The following KIFC3 variants were observed in gnomAD, a reference collection of about 807,000 sequenced individuals.
KIFC3 encodes kinesin-like protein KIFC3.
KIFC3 carries 60 observed loss-of-function variants against 101.8 expected under a neutral mutation model. That is an observed-to-expected ratio of 0.59 (90% CI 0.48 to 0.73). The LOEUF (loss-of-function observed/expected upper bound fraction) is 0.73, where lower values mean the gene tolerates loss of function less well. Ranked by LOEUF, KIFC3 falls within the 30% of genes least tolerant of loss-of-function variation. KIFC3 has a pLI of 0.00. For synonymous variants in KIFC3, 476 were observed against 482.7 expected, an observed-to-expected ratio of 0.99 and a Z score of 0.18; for missense variants, 966 against 1,137.1, an observed-to-expected ratio of 0.85 and a Z score of 2.16.
At chr16:57,802,917 G>T, upstream of KIFC3, 2 of 1,472,236 alleles carry the variant, frequency 1.4e-6, no homozygotes, top group Non-Finnish European at 1.8e-6. The surrounding 1 kb of genome is among the most constrained non-coding windows in gnomAD (Gnocchi z 5.0). Context: ...TCTCATACCA[G>T]TACGTGTCTT....
At position 57,758,650 on chromosome 16, in the gene KIFC3, CTGA is replaced by C; in HGVS notation, c.*281_*283del. 4 of 702,932 alleles carry C rather than the reference CTGA, an allele frequency of 5.7e-6. No homozygotes were observed. Among genetic ancestry groups the C allele is most frequent in the Non-Finnish European group, 1.0e-5 (4 of 386,470 alleles). The allele number at this position is 702,932 out of a possible 1,614,324, so 43.5% of individuals were successfully genotyped here. On this transcript the variant is annotated 3_prime_UTR_variant, in exon 20 of 20. Coordinates refer to ENST00000445690, the MANE Select transcript of KIFC3 (RefSeq NM_001130100.2). ...CGCCCTCCTCACGGGGCCCAGTTCG[CTGA>C]TGGCCCAGGCCTGCCAGGAAGAGCA...
rs1317843043 is a variant in KIFC3 at position 57,762,214 on chromosome 16, C to G, written c.1674G>C (p.Glu558Asp). The change falls in exon 13 of 20, where the codon GAG becomes GAC. Residue 558 changes from glutamate (E) to aspartate (D), a missense_variant. By Grantham distance (45) the Glu-to-Asp change is conservative. Transcript: ENST00000445690. ...CCCAGTCAGACGCCTTCTCCTGCAC[C>G]TCGGAGAAGAGCAGCTGCAGGGCCC... ...NQRALQLLFS[E>D]VQEKASDWEY... 4.4e-6 allele frequency: 7 copies of G among 1,609,062 alleles called. No homozygotes were observed. In the East Asian group the frequency reaches 1.3e-4, roughly 31 times the overall value.
intron 1 of KIFC3, among the ~76,000 whole-genome samples, chr16:57,857,245 G>C (rs942788042): frequency 2.0e-5 from 3 of 152,058 alleles, no homozygotes; most frequent in African/African-American, 7.2e-5. Flanking sequence ...TGAAGGTCAG[G>C]AATCGCCATA....
intron 3 of KIFC3, among the ~76,000 whole-genome samples, chr16:57,773,017 G>C (rs1452203631): frequency 6.6e-6 from 1 of 152,046 alleles, no homozygotes; most frequent in Non-Finnish European, 1.5e-5. Context: ...ACCCTTCCCC[G>C]GCGCTGTCCT....
chr16:57,794,843 C>A (rs997452582), intron 3 of KIFC3, among the ~76,000 whole-genome samples, 156 bp downstream of exon 3: 2 of 152,156 alleles, frequency 1.3e-5, no homozygotes, highest in Non-Finnish European at 2.9e-5. Flanking sequence ...AAAGCAGGCT[C>A]CCAGGCAGAG....
At chr16:57,798,993 G>A (rs574003980) in intron 1 of KIFC3, among the ~76,000 whole-genome samples, 113 of 152,284 alleles carry the variant, frequency 7.4e-4, no homozygotes, top group African/African-American at 2.6e-3. Context: ...GATGAGGCCT[G>A]AAAACTCCCA....
rs55718589 is a variant in KIFC3, at chr16:57,862,193, C to CTT, written c.108+534_108+535dup. Among the ~76,000 whole-genome samples the CTT allele has an allele frequency of 4.3e-3, 553 of 128,368 alleles. 7 individuals carry two copies. The highest frequency in any genetic ancestry group is 0.014 in the African/African-American group (467 of 34,312). The allele number at this position is 128,368 out of a possible 152,430, so 84.2% of individuals were successfully genotyped here. On this transcript the variant is annotated intron_variant, in intron 1 of 2. Transcript: ENST00000563028. Reference sequence around the variant, plus strand: ...TACAGGTGCTTACCACTACATCTGGCTTTTTTTTTTTTTTTTTTAGTACAG... The same window carrying CTT: ...TACAGGTGCTTACCACTACATCTGGCTTTTTTTTTTTTTTTTTTTTAGTACAG...
rs372236766 is a variant in KIFC3, at chr16:57,775,847, C to T, written c.316-3559G>A. ...CGTCAATCCAGGGCTGAGGACGGAC[C>T]AGGCTGGGGCTGTGCGACACTCCTC... On this transcript the variant is annotated intron_variant, in intron 3 of 19. Coordinates refer to ENST00000445690, the MANE Select transcript of KIFC3 (RefSeq NM_001130100.2). The T allele has an allele frequency of 2.2e-5, 22 of 985,428 alleles. No homozygotes were observed. The East Asian group carries it at 6.8e-4, about 31-fold the overall frequency. 61.0% of individuals were successfully genotyped at this position (985,428 alleles called of 1,614,324 possible). A position where few individuals can be genotyped will look rare whatever the true frequency, so the allele number is the denominator to read the frequency against.
intron 1 of KIFC3, among the ~76,000 whole-genome samples, chr16:57,850,947 CTCCTTCCTTCCTTCCTTCCTTCCTTCCT>C (rs200153757): frequency 5.7e-5 from 3 of 52,536 alleles, no homozygotes; most frequent in African/African-American, 1.5e-4. Flanking sequence ...CCTTCCCTCC[CTCCTTCCTTCCTTCCTTCCTTCCTTCCT>C]TCCTTCCTTC....
intron 3 of KIFC3, chr16:57,774,691 T>TC: frequency 6.7e-6 from 1 of 148,688 alleles, no homozygotes; most frequent in African/African-American, 7.6e-5. Flanking sequence ...CCCGGCTAAT[T>TC]TTTTTTTTTT....
At chr16:57,826,404 A>G (rs2055458085) in intron 1 of KIFC3, among the ~76,000 whole-genome samples, 1 of 152,104 alleles carries the variant, frequency 6.6e-6, no homozygotes, top group South Asian at 2.1e-4. Context: ...ATGCCCTTAT[A>G]CCTAGATCTT....
chr16:57,771,691 A>G lies in KIFC3; in HGVS notation c.382-5T>C. 6.2e-7 allele frequency: 1 copy of G among 1,610,366 alleles called. No homozygotes were observed. The highest frequency in any genetic ancestry group is 8.5e-7 in the Non-Finnish European group (1 of 1,178,704). On this transcript the variant is annotated splice_region_variant and splice_polypyrimidine_tract_variant and intron_variant, in intron 4 of 19. Transcript: ENST00000445690. ...CTTCTCCAAGTCGGTGCCCCCCTGC[A>G]GAGAGCCAGGGCCGAGGGGGCGCAT... is the stretch of plus-strand genomic sequence containing the variant.
At chr16:57,821,472 C>T (rs1477915813) in intron 1 of KIFC3, among the ~76,000 whole-genome samples, 1 of 152,180 alleles carries the variant, frequency 6.6e-6, no homozygotes, top group Non-Finnish European at 1.5e-5. Context: ...AGTCCATCTT[C>T]TGCCCCAACC....
chr16:57,798,183 T>C lies in KIFC3; in HGVS notation c.61A>G (p.Arg21Gly). Residue 21 changes from arginine (R) to glycine (G), a missense_variant, in exon 2 of 20, where the codon AGA becomes GGA. Coordinates refer to ENST00000445690, the MANE Select transcript of KIFC3 (RefSeq NM_001130100.2). The part of the protein sequence containing the change: ...GATPSLRGLW[R>G]VGRAPEPEPG... ...TCGGGCTCCGGGGCCCGGCCCACTC[T>C]CCACAGGCCCCGCAGCGAGGGCGTG... 1 of 1,541,606 alleles carries C rather than the reference T, an allele frequency of 6.5e-7. No homozygotes were observed.
chr16:57,761,536 C>T lies in KIFC3; in HGVS notation c.1749G>A (p.Arg583=), dbSNP rs2049855254. The change falls in exon 14 of 20, where the codon AGG becomes AGA. Residue 583 remains arginine, a splice_region_variant and synonymous_variant. Coordinates refer to ENST00000445690, the MANE Select transcript of KIFC3 (RefSeq NM_001130100.2). ...SAAEIYNEVL[R]DLLGKEPQEK... The stretch of plus-strand genomic sequence containing the variant: ...CCTGAGGCTCTTTCCCTAGCAGGTC[C>T]CTGGAGGGGCAGGTGAGACAGTCAC... The T allele has an allele frequency of 1.2e-6, 2 of 1,612,588 alleles. No homozygotes were observed. Among genetic ancestry groups the T allele is most frequent in the Non-Finnish European group, 1.7e-6 (2 of 1,179,706 alleles).
intron 2 of KIFC3, chr16:57,797,844 T>G: frequency 1.4e-6 from 2 of 1,442,502 alleles, no homozygotes; most frequent in Non-Finnish European, 1.8e-6. Flanking sequence ...GTGTTAAAGT[T>G]TAACCCGGCT....
intron 1 of KIFC3, among the ~76,000 whole-genome samples, chr16:57,850,764 C>T (rs1196385992): frequency 6.6e-6 from 1 of 152,112 alleles, no homozygotes; most frequent in Non-Finnish European, 1.5e-5. Flanking sequence ...GAGTGAGCCG[C>T]TGTGCCCAGC....
intron 6 of KIFC3, 25 bp from the exon 7 acceptor site, chr16:57,770,725 C>T (rs1208839940): frequency 2.4e-5 from 34 of 1,418,310 alleles, no homozygotes; most frequent in African/African-American, 8.7e-5. Context: ...AGGAATGGCA[C>T]GTGGAGCCAG....
In KIFC3 at chr16:57,761,424, C is replaced by T. The variant is rs202216334; in HGVS notation, c.1861G>A (p.Asp621Asn). The change falls in exon 14 of 20, where the codon GAC becomes AAC. Residue 621 changes from aspartate (D) to asparagine (N), a missense_variant. Physicochemically the swap from Asp to Asn is conservative, Grantham distance 23 (BLOSUM62 1). Coordinates refer to ENST00000445690, the MANE Select transcript of KIFC3 (RefSeq NM_001130100.2). The part of the protein sequence containing the change: ...LTEFQVQSVD[D>N]INKVFEFGHT... ...TCCCGCCTCCACACCTTGTTGATGT[C>T]GTCCACGCTCTGCACTTGGAACTCA... 6.8e-6 allele frequency: 11 copies of T among 1,614,006 alleles called. No individual in the cohort carries two copies. Among genetic ancestry groups the T allele is most frequent in the East Asian group, 4.5e-5 (2 of 44,880 alleles).
Sources: allele counts gnomAD v4.1 joint callset (sites outside exome capture counted in the v4.1 genomes callset), GRCh38; gene constraint gnomAD v4.1.1; non-coding constraint Gnocchi (gnomAD v3.1); transcripts MANE v1.5; gene names NCBI Gene and HGNC (gene_info 2026-07-23, HGNC 2026-07-21).